The following HSH2D variants were observed in gnomAD, a reference collection of about 807,000 sequenced individuals.
HSH2D encodes the protein hematopoietic SH2 domain containing, also known as hematopoietic SH2 domain-containing protein.
In HSH2D, 16 loss-of-function variants were observed where a neutral mutation model predicts 21.5. That is an observed-to-expected ratio of 0.74 (90% confidence interval 0.50 to 1.13). The LOEUF is 1.13. Ranked by LOEUF, HSH2D falls within the 50% of genes most tolerant of loss-of-function variation. HSH2D has a pLI of 0.00. For synonymous variants in HSH2D, 172 were observed against 184.7 expected (o/e 0.93, Z 0.56); for missense variants, 418 against 441.4 (o/e 0.95, Z 0.47).
intron 2 of HSH2D, among the ~76,000 whole-genome samples, chr19:16,150,685 C>CAA (rs1165480452): frequency 6.2e-4 from 51 of 82,466 alleles, no homozygotes; most frequent in African/African-American, 2.2e-3. Context: ...GATTCCAGCT[C>CAA]AAAAAAAAAA....
intron 2 of HSH2D, among the ~76,000 whole-genome samples, chr19:16,151,015 A>G (rs1480471356): frequency 6.6e-6 from 1 of 152,128 alleles, no homozygotes; most frequent in Non-Finnish European, 1.5e-5. Context: ...TGAACTCCAG[A>G]TAATAATGGT....
At chr19:16,150,180 C>T (rs903301081) in intron 2 of HSH2D, among the ~76,000 whole-genome samples, 1 of 152,120 alleles carries the variant, frequency 6.6e-6, no homozygotes, top group African/African-American at 2.4e-5. Context: ...AATGCTGAGG[C>T]GGGAGGATCG....
upstream of HSH2D, chr19:16,143,669 C>G (rs1380983176): frequency 4.7e-6 from 2 of 424,958 alleles, no homozygotes; most frequent in Non-Finnish European, 4.7e-6. Flanking sequence ...TGCCTCGGGG[C>G]AGCCAGCCCC....
rs753284074 is a variant in HSH2D, at chr19:16,152,905, TG to T, written c.216-136del. ...GGTTAGTAACCTGCTGGGTGTTGCA[TG>T]GCCAGTGAGTGAAGAAGCCTGCATG... On this transcript the variant is annotated intron_variant, in intron 3 of 5. Coordinates refer to ENST00000613986, the MANE Select transcript of HSH2D (RefSeq NM_001382417.1). 28 of 1,010,092 alleles carry T rather than the reference TG, an allele frequency of 2.8e-5. No homozygotes were observed. The South Asian group carries it at 3.8e-4, about 14-fold the overall frequency. 62.6% of individuals were successfully genotyped at this position (1,010,092 alleles called of 1,614,324 possible).
Position 16,152,645 on chromosome 19 carries a change from A to C in HSH2D, c.215+4A>C. The C allele has an allele frequency of 6.5e-7, 1 of 1,540,612 alleles. No individual in the cohort carries two copies. Among genetic ancestry groups the C allele is most frequent in the Middle Eastern group, 1.7e-4 (1 of 5,750 alleles). ...TGGGCTACACACTCTCCTACAAGTA[A>C]GGCCTGGGCCGGGATCCAGGGCAGG... On this transcript the variant is annotated splice_donor_region_variant and intron_variant, in intron 3 of 5. Coordinates refer to ENST00000613986, the MANE Select transcript of HSH2D (RefSeq NM_001382417.1).
chr19:16,146,614 G>T (rs2091072430), intron 1 of HSH2D, among the ~76,000 whole-genome samples: 1 of 152,096 alleles, frequency 6.6e-6, no homozygotes, highest in East Asian at 1.9e-4. Context: ...GGAGGTTGAG[G>T]CTGCAGTGAG....
At chr19:16,154,229 C>T (rs2091207816) in intron 4 of HSH2D, among the ~76,000 whole-genome samples, 170 bp from the exon 5 acceptor site, 1 of 152,166 alleles carries the variant, frequency 6.6e-6, no homozygotes, top group African/African-American at 2.4e-5. Context: ...GTCCCAATCC[C>T]TAAGAAATGG....
rs572787132 is a variant in HSH2D, at chr19:16,157,061, A to G, written c.475-149A>G. On this transcript the variant is annotated intron_variant, in intron 5 of 5. Coordinates refer to ENST00000613986, the MANE Select transcript of HSH2D (RefSeq NM_001382417.1). This position sits in a 1 kb window ranked among gnomAD's most constrained non-coding sequence, Gnocchi z 4.4. ...GTGAAGCCATTTACTGAGACGAGAAAGATGGGGCATGGGATCAGGTTTGGG... is the reference window on the plus strand; with the variant it reads ...GTGAAGCCATTTACTGAGACGAGAAGGATGGGGCATGGGATCAGGTTTGGG... 93 of 551,846 alleles carry G rather than the reference A, an allele frequency of 1.7e-4. No individual in the cohort carries two copies. Among genetic ancestry groups the G allele is most frequent in the Non-Finnish European group, 1.4e-4 (46 of 327,430 alleles). The allele number at this position is 551,846 out of a possible 1,614,324, so 34.2% of individuals were successfully genotyped here. A position where few individuals can be genotyped will look rare whatever the true frequency, so the allele number is the denominator to read the frequency against.
intron 1 of HSH2D, among the ~76,000 whole-genome samples, chr19:16,135,428 CA>C (rs370200049): frequency 5.5e-5 from 8 of 145,078 alleles, no homozygotes; most frequent in Admixed American, 1.4e-4. Flanking sequence ...GACCCTTTCT[CA>C]AAAAAAAAAC....
rs539184585 is a variant in HSH2D, at chr19:16,158,030, C to T, written c.*236C>T. The stretch of plus-strand genomic sequence containing the variant: ...GTTTGGGGCACCAGCTATACATCAG[C>T]CCCAGTGCCAGACCTTCTATTCATT... On this transcript the variant is annotated 3_prime_UTR_variant, in exon 6 of 6. Coordinates refer to ENST00000613986, the MANE Select transcript of HSH2D (RefSeq NM_001382417.1). 1.8e-5 allele frequency: 9 copies of T among 493,206 alleles called. No individual in the cohort carries two copies. The South Asian group carries it at 3.0e-4, about 16-fold the overall frequency. 30.6% of individuals were successfully genotyped at this position (493,206 alleles called of 1,614,324 possible).
chr19:16,135,187 G>A (rs911701400), intron 1 of HSH2D, among the ~76,000 whole-genome samples: 3 of 151,950 alleles, frequency 2.0e-5, no homozygotes, highest in Admixed American at 1.3e-4. Flanking sequence ...CAGGAGAATC[G>A]CTTGAACCTG....
At position 16,154,925 on chromosome 19, in the gene HSH2D, G is replaced by A. The variant is rs529548681; in HGVS notation, c.474+434G>A. On this transcript the variant is annotated intron_variant, in intron 5 of 5. Transcript: ENST00000613986. Reference sequence around the variant, plus strand: ...CATTACCCTGTTTATTCACTGCAGCGGACTTCCCAAAAGTGTTCCTCAAAA... The same window carrying A: ...CATTACCCTGTTTATTCACTGCAGCAGACTTCCCAAAAGTGTTCCTCAAAA... 6 of 158,474 alleles carry A rather than the reference G, an allele frequency of 3.8e-5. No individual in the cohort carries two copies. In the South Asian group the frequency reaches 6.7e-4, roughly 18 times the overall value. 9.8% of individuals were successfully genotyped at this position (158,474 alleles called of 1,614,324 possible).
rs566116088 is a variant in HSH2D, at chr19:16,158,130, G to A, written c.*336G>A. 2.6e-5 allele frequency: 6 copies of A among 231,514 alleles called. No individual in the cohort carries two copies. The highest frequency in any genetic ancestry group is 1.4e-4 in the African/African-American group (6 of 44,258). 14.3% of individuals were successfully genotyped at this position (231,514 alleles called of 1,614,324 possible). ...TGAAGAAGAGACTGAGGTTCAGAGA[G>A]GATAAGAGGCGTGACCAAGGCCACA... On this transcript the variant is annotated 3_prime_UTR_variant, in exon 6 of 6. Coordinates refer to ENST00000613986, the MANE Select transcript of HSH2D (RefSeq NM_001382417.1).
In HSH2D at chr19:16,143,891, TG is replaced by T. The variant is rs145601724; in HGVS notation, c.-28+122del. The T allele has an allele frequency of 6.3e-3, 1,594 of 254,912 alleles. 13 individuals are homozygous for T. The highest frequency in any genetic ancestry group is 9.5e-3 in the Non-Finnish European group (1,120 of 118,120). 15.8% of individuals were successfully genotyped at this position (254,912 alleles called of 1,614,324 possible). ...TGGCAGGAGGGATTTTCTAGGGGCA[TG>T]GGGGAGAGCTTCGTGGAGGAGGGGG... On this transcript the variant is annotated intron_variant, in intron 1 of 5. Coordinates refer to ENST00000613986, the MANE Select transcript of HSH2D (RefSeq NM_001382417.1).
At chr19:16,151,029 A>G (rs2091141532) in intron 2 of HSH2D, among the ~76,000 whole-genome samples, 1 of 152,130 alleles carries the variant, frequency 6.6e-6, no homozygotes, top group African/African-American at 2.4e-5. Context: ...TAATGGTAAT[A>G]ATATAGAAAA....
chr19:16,153,104 C>G lies in HSH2D; in HGVS notation c.277C>G (p.Pro93Ala). 1 of 1,608,838 alleles carries G rather than the reference C, an allele frequency of 6.2e-7. No individual in the cohort carries two copies. The highest frequency in any genetic ancestry group is 8.5e-7 in the Non-Finnish European group (1 of 1,177,918). ...CTTGGATGATGGGACTTTCATGATC[C>G]CCGGGGAGAAGGTGGCCCACACCTC... is the stretch of plus-strand genomic sequence containing the variant. ...KLLDDGTFMI[P>A]GEKVAHTSLD... Residue 93 changes from proline to alanine, a missense_variant, in exon 4 of 6, where the codon CCC becomes GCC. Coordinates refer to ENST00000613986, the MANE Select transcript of HSH2D (RefSeq NM_001382417.1).
At chr19:16,148,974 C>CA (rs2091110824) in intron 2 of HSH2D, 99 bp downstream of exon 2, 28 of 1,333,966 alleles carry the variant, frequency 2.1e-5, no homozygotes, top group Non-Finnish European at 2.9e-5. Context: ...GGACTTGGCT[C>CA]AGCTCAGTGT....
At chr19:16,154,587 G>A in intron 5 of HSH2D, 96 bp downstream of exon 5, 1 of 679,124 alleles carries the variant, frequency 1.5e-6, no homozygotes, top group Non-Finnish European at 2.5e-6. Flanking sequence ...TCTAGAATGA[G>A]AATGCGATCC....
chr19:16,142,391 T>G (rs1002372960), upstream of HSH2D, among the ~76,000 whole-genome samples: 13 of 152,230 alleles, frequency 8.5e-5, no homozygotes, highest in African/African-American at 3.1e-4. Flanking sequence ...TGTTCCCACT[T>G]CCTGTTTCCC....
Sources: allele counts gnomAD v4.1 joint callset (sites outside exome capture counted in the v4.1 genomes callset), GRCh38; gene constraint gnomAD v4.1.1; non-coding constraint Gnocchi (gnomAD v3.1); transcripts MANE v1.5; gene names NCBI Gene and HGNC (gene_info 2026-07-23, HGNC 2026-07-21).